MYH16: variants seen among roughly 807,000 people sequenced by gnomAD.
MYH16 encodes the protein myosin heavy chain 16.
At chr7:99,291,348 A>C (rs765670153) in exon 31 of MYH16, 11 of 456,594 alleles carry the variant, frequency 2.4e-5, no homozygotes, top group Admixed American at 4.7e-5. Flanking sequence ...TGAGCAGGGA[A>C]TATGAAGAGT....
chr7:99,293,305 C>T (rs1488664227), intron 32 of MYH16, among the ~76,000 whole-genome samples: 2 of 152,162 alleles, frequency 1.3e-5, no homozygotes, highest in Non-Finnish European at 1.5e-5. Flanking sequence ...CTGGTCCCAT[C>T]CATCCACTGA....
chr7:99,275,498 G>A (rs1488785248), intron 20 of MYH16, among the ~76,000 whole-genome samples: 2 of 152,188 alleles, frequency 1.3e-5, no homozygotes, highest in Admixed American at 1.3e-4. Flanking sequence ...CCACAAAATT[G>A]TGGATTTGAG....
chr7:99,266,744 A>C (rs1258666001), intron 17 of MYH16: 3 of 152,620 alleles, frequency 2.0e-5, no homozygotes, highest in Non-Finnish European at 4.4e-5. Flanking sequence ...AAACAAGTCT[A>C]ATCTCTGTCC....
At chr7:99,243,065 T>C (rs185610490) in intron 1 of MYH16, among the ~76,000 whole-genome samples, 55 of 152,346 alleles carry the variant, frequency 3.6e-4, no homozygotes, top group South Asian at 2.1e-3. Flanking sequence ...GCTACTGTCA[T>C]CTCAACTTCA....
chr7:99,267,963 GC>G (rs950572213), intron 18 of MYH16, among the ~76,000 whole-genome samples: 22 of 152,194 alleles, frequency 1.4e-4, no homozygotes, highest in Admixed American at 9.8e-4. Flanking sequence ...CATGACGCAG[GC>G]TTGGCATGGA....
chr7:99,255,312 T>C (rs1329552815), intron 8 of MYH16, among the ~76,000 whole-genome samples: 1 of 150,792 alleles, frequency 6.6e-6, no homozygotes, highest in Non-Finnish European at 1.5e-5. Flanking sequence ...ATTAGCCAGG[T>C]GTGGTGGTGC....
At chr7:99,258,087 C>T (rs1304325489) in intron 10 of MYH16, 1 of 152,662 alleles carries the variant, frequency 6.6e-6, no homozygotes, top group Non-Finnish European at 1.5e-5. Context: ...GCAACATCTT[C>T]CTTGCACTCA....
At chr7:99,305,017 T>C (rs1364472762) in intron 40 of MYH16, among the ~76,000 whole-genome samples, 2 of 151,510 alleles carry the variant, frequency 1.3e-5, no homozygotes, top group Non-Finnish European at 2.9e-5. Context: ...GAGACCTCCA[T>C]CTCTTAAAAA....
At chr7:99,295,585 T>C (rs761295824) in intron 33 of MYH16, among the ~76,000 whole-genome samples, 2 of 152,090 alleles carry the variant, frequency 1.3e-5, no homozygotes, top group Non-Finnish European at 2.9e-5. Context: ...TGATTCATGC[T>C]GGCCGTGAGG....
chr7:99,241,653 C>A (rs138601226), intron 1 of MYH16, among the ~76,000 whole-genome samples: 1 of 152,000 alleles, frequency 6.6e-6, no homozygotes, highest in African/African-American at 2.4e-5. Context: ...GTAACCATTA[C>A]GGGGAGTGGG....
intron 19 of MYH16, among the ~76,000 whole-genome samples, chr7:99,271,938 C>T: frequency 6.6e-6 from 1 of 152,166 alleles, no homozygotes; most frequent in East Asian, 1.9e-4. Flanking sequence ...CTCAAGCAAT[C>T]CACCTGCCTC....
chr7:99,260,492 T>G, intron 12 of MYH16: 1 of 404,608 alleles, frequency 2.5e-6, no homozygotes, highest in Non-Finnish European at 4.7e-6. Flanking sequence ...AAATGGGTAC[T>G]GAAGTGACTG....
At chr7:99,260,236 T>G in exon 12 of MYH16, 2 of 1,609,416 alleles carry the variant, frequency 1.2e-6, no homozygotes, top group African/African-American at 1.3e-5. Flanking sequence ...CCACCACATG[T>G]TCGTGCTGGA....
intron 18 of MYH16, among the ~76,000 whole-genome samples, chr7:99,269,273 CT>C (rs370518994): frequency 1.6e-3 from 230 of 144,118 alleles, no homozygotes; most frequent in South Asian, 6.2e-3. Context: ...GAACCATTCT[CT>C]TTTTTTTTTT....
downstream of MYH16, among the ~76,000 whole-genome samples, chr7:99,309,382 A>G (rs1039880878): frequency 6.6e-6 from 1 of 152,226 alleles, no homozygotes; most frequent in African/African-American, 2.4e-5. Context: ...GCCAAAAGCG[A>G]TAACCCCATT....
At position 99,291,950 on chromosome 7, in the gene MYH16, A is replaced by T. The variant is rs543964842; in HGVS notation, n.3953-362A>T. On this transcript the variant is annotated intron_variant and non_coding_transcript_variant, in intron 31 of 41. Coordinates refer to ENST00000439784, the Ensembl canonical transcript of MYH16. ...AAGAGTGAAACTCGGTCTCAGGAAAAAAAAAAGTTTCCAGGTATGGTGTTG... is the reference window on the plus strand; with the variant it reads ...AAGAGTGAAACTCGGTCTCAGGAAATAAAAAAGTTTCCAGGTATGGTGTTG... Among the ~76,000 whole-genome samples, 9 of 152,304 alleles carry T rather than the reference A, an allele frequency of 5.9e-5. No individual in the cohort carries two copies. The South Asian group carries it at 1.5e-3, about 25-fold the overall frequency.
At chr7:99,258,016 A>G (rs1164593321) in intron 10 of MYH16, 1 of 151,556 alleles carries the variant, frequency 6.6e-6, no homozygotes, top group Admixed American at 6.6e-5. Context: ...GATCTCCTCC[A>G]CCCTCCCTTT....
intron 17 of MYH16, among the ~76,000 whole-genome samples, chr7:99,266,330 T>A (rs1310375288): frequency 6.6e-6 from 1 of 152,156 alleles, no homozygotes; most frequent in Non-Finnish European, 1.5e-5. Context: ...TATCTCAGGG[T>A]CTGCTTCTGG....
At chr7:99,245,243 T>G (rs576101807) in intron 2 of MYH16, among the ~76,000 whole-genome samples, 1 of 152,252 alleles carries the variant, frequency 6.6e-6, no homozygotes, top group South Asian at 2.1e-4. Context: ...TGGATCAGTT[T>G]GTACTTAATA....
Sources: gnomAD v4.1 joint callset for allele counts (sites outside exome capture counted in the v4.1 genomes callset) on GRCh38, gnomAD v4.1.1 for gene constraint, MANE v1.5 for transcripts, NCBI Gene and HGNC (gene_info 2026-07-23, HGNC 2026-07-21) for gene names.